The following XXYLT1 variants were observed in gnomAD, a reference collection of about 807,000 sequenced individuals.
The protein encoded by XXYLT1 is xyloside xylosyltransferase 1.
In XXYLT1, 20 loss-of-function variants were observed where a neutral mutation model predicts 28.9. The observed-to-expected ratio is 0.69, with a 90% confidence interval of 0.49 to 1.00. The LOEUF is 1.00. Ranked by LOEUF, XXYLT1 falls within the 50% of genes least tolerant of loss-of-function variation. The pLI, the probability that XXYLT1 is intolerant of heterozygous loss-of-function variation, is 0.00. For missense variants in XXYLT1, 542 were observed against 560.1 expected, an observed-to-expected ratio of 0.97 and a Z score of 0.33; for synonymous variants, 257 against 253.8, an observed-to-expected ratio of 1.01 and a Z score of -0.12.
rs1244875522 is a variant in XXYLT1 at position 195,256,454 on chromosome 3, C to T, written c.504+14101G>A. 1.2e-5 allele frequency: 12 copies of T among 984,694 alleles called. No individual in the cohort carries two copies. Among genetic ancestry groups the T allele is most frequent in the South Asian group, 9.4e-5 (2 of 21,284 alleles). 61.0% of individuals were successfully genotyped at this position (984,694 alleles called of 1,614,324 possible). ...CCTGCACAGGGCAGGGCCCGAGAAA[C>T]GAACCAGTACCTCCCAGAGGACGGA... On this transcript the variant is annotated intron_variant, in intron 1 of 3. Transcript: ENST00000310380. The surrounding 1 kb of genome is among the most constrained non-coding windows in gnomAD (Gnocchi z 4.2).
intron 3 of XXYLT1, among the ~76,000 whole-genome samples, chr3:195,120,742 G>A (rs6767318): frequency 3.1e-4 from 47 of 152,318 alleles, no homozygotes; most frequent in African/African-American, 1.1e-3. Flanking sequence ...CCGTGGCTCC[G>A]TCACTGAGCA....
At chr3:195,132,652 T>C (rs1182762232) in intron 3 of XXYLT1, among the ~76,000 whole-genome samples, 1 of 152,166 alleles carries the variant, frequency 6.6e-6, no homozygotes, top group Non-Finnish European at 1.5e-5. Context: ...CAGCCTTCAC[T>C]GGGGAGATGG....
At chr3:195,130,009 C>T (rs1385465412) in intron 3 of XXYLT1, among the ~76,000 whole-genome samples, 1 of 152,182 alleles carries the variant, frequency 6.6e-6, no homozygotes, top group African/African-American at 2.4e-5. Flanking sequence ...TTATAGCTGA[C>T]CAGTGGATAT....
At chr3:195,143,851 T>TAG (rs1719666903) in intron 3 of XXYLT1, among the ~76,000 whole-genome samples, 1 of 103,074 alleles carries the variant, frequency 9.7e-6, no homozygotes, top group African/African-American at 3.9e-5. Flanking sequence ...TAGATATATA[T>TAG]ATAGATATAT....
At chr3:195,200,640 A>G (rs1455031216) in intron 2 of XXYLT1, among the ~76,000 whole-genome samples, 1 of 152,210 alleles carries the variant, frequency 6.6e-6, no homozygotes, top group Non-Finnish European at 1.5e-5. Flanking sequence ...CAGCCTGTGC[A>G]GGGCAGGAAT....
Position 195,197,070 on chromosome 3 carries a change from T to C in XXYLT1, c.652+29639A>G, listed in dbSNP as rs114235982. On this transcript the variant is annotated intron_variant, in intron 2 of 3. Transcript: ENST00000310380. The stretch of plus-strand genomic sequence containing the variant: ...TCTTGGTACTGAATTGGCAATGAGT[T>C]TTCATGGCTCAATTAGCTTGTAACT... Among the ~76,000 whole-genome samples, 517 of 152,338 alleles carry C rather than the reference T, an allele frequency of 3.4e-3. 5 individuals carry two copies. The highest frequency in any genetic ancestry group is 0.012 in the African/African-American group (502 of 41,574).
At chr3:195,248,999 C>T (rs1158539780) in intron 1 of XXYLT1, among the ~76,000 whole-genome samples, 1 of 152,152 alleles carries the variant, frequency 6.6e-6, no homozygotes, top group African/African-American at 2.4e-5. Context: ...TGGACTAATA[C>T]AGGAGCCAAA....
intron 2 of XXYLT1, among the ~76,000 whole-genome samples, chr3:195,220,836 C>A (rs1274267069): frequency 6.6e-6 from 1 of 152,170 alleles, no homozygotes; most frequent in African/African-American, 2.4e-5. Flanking sequence ...GGACATGTGA[C>A]CTTTGAAAAG....
chr3:195,144,333 T>C (rs1051359715), intron 3 of XXYLT1, among the ~76,000 whole-genome samples: 4 of 152,152 alleles, frequency 2.6e-5, no homozygotes, highest in Middle Eastern at 3.4e-3. Flanking sequence ...GGTTTTTTCA[T>C]CCACAAATCT....
At chr3:195,185,110 G>GAAGGAAGA (rs1722132232) in intron 2 of XXYLT1, among the ~76,000 whole-genome samples, 1 of 123,872 alleles carries the variant, frequency 8.1e-6, no homozygotes, top group African/African-American at 3.8e-5. Flanking sequence ...AGGAAGGAAG[G>GAAGGAAGA]AAGGAAGGAA....
At chr3:195,230,791 T>G (rs1411869948) in intron 1 of XXYLT1, among the ~76,000 whole-genome samples, 1 of 152,238 alleles carries the variant, frequency 6.6e-6, no homozygotes, top group Admixed American at 6.5e-5. Context: ...AACTCTGTAG[T>G]ATAACTTGAA....
rs1715200068 is a variant in XXYLT1 at position 195,077,663 on chromosome 3, G to T, written c.786-7552C>A. Among the ~76,000 whole-genome samples the T allele has an allele frequency of 6.6e-6, 1 of 152,198 alleles. No individual in the cohort carries two copies. The highest frequency in any genetic ancestry group is 1.5e-5 in the Non-Finnish European group (1 of 68,016). Reference sequence around the variant, plus strand: ...CCTGGGGCTGGACGTCGTAGGGGGTGAATGGCCCTGATGGCAAGGCCTCTG... The same window carrying T: ...CCTGGGGCTGGACGTCGTAGGGGGTTAATGGCCCTGATGGCAAGGCCTCTG... On this transcript the variant is annotated intron_variant, in intron 3 of 3. Transcript: ENST00000310380. The surrounding 1 kb of genome is among the most constrained non-coding windows in gnomAD (Gnocchi z 4.8).
chr3:195,252,731 G>C (rs56264507), intron 1 of XXYLT1, among the ~76,000 whole-genome samples: 10,364 of 74,218 alleles, frequency 0.14, 359 homozygotes, highest in Non-Finnish European at 0.2. Context: ...CACACACAGA[G>C]AGAGAGAGAG....
At chr3:195,178,149 T>C (rs1721765377) in intron 2 of XXYLT1, among the ~76,000 whole-genome samples, 1 of 136,816 alleles carries the variant, frequency 7.3e-6, no homozygotes, top group Non-Finnish European at 1.5e-5. Context: ...TGCTGACAGC[T>C]TTTTTTTTTA....
chr3:195,260,353 C>T (rs547831783), intron 1 of XXYLT1, among the ~76,000 whole-genome samples: 3 of 152,236 alleles, frequency 2.0e-5, no homozygotes, highest in African/African-American at 7.2e-5. Context: ...CCCGTGCTGA[C>T]CGCAGCCGCG....
chr3:195,269,874 A>C (rs1332863949), intron 1 of XXYLT1, among the ~76,000 whole-genome samples: 2 of 152,236 alleles, frequency 1.3e-5, no homozygotes, highest in East Asian at 3.8e-4. Flanking sequence ...CAGAGATGGA[A>C]GCTGTCATGG....
chr3:195,104,197 CCGTGTGTGTGTGTGTGTG>C lies in XXYLT1; in HGVS notation c.786-34104_786-34087del, dbSNP rs1716961960. ...GACGGTGATGACGGTGATGAGGGCT[CCGTGTGTGTGTGTGTGTG>C]TGTGTGTGTGTGTGTGTGTGTGTGT... is the stretch of plus-strand genomic sequence containing the variant. On this transcript the variant is annotated intron_variant, in intron 3 of 3. Transcript: ENST00000310380. 2.8e-5 allele frequency among the ~76,000 whole-genome samples: 3 copies of C among 107,792 alleles called. No individual in the cohort carries two copies. The Admixed American group carries it at 3.0e-4, about 11-fold the overall frequency. 70.7% of individuals were successfully genotyped at this position (107,792 alleles called of 152,430 possible). A position where few individuals can be genotyped will look rare whatever the true frequency, so the allele number is the denominator to read the frequency against.
chr3:195,162,840 A>T (rs1044492677), intron 2 of XXYLT1, among the ~76,000 whole-genome samples: 6 of 152,240 alleles, frequency 3.9e-5, no homozygotes, highest in Admixed American at 1.3e-4. Context: ...TGCCAATATG[A>T]AGTGATGGCT....
intron 3 of XXYLT1, among the ~76,000 whole-genome samples, chr3:195,118,590 TG>T (rs546584931): frequency 1.0e-3 from 123 of 118,138 alleles, no homozygotes; most frequent in African/African-American, 2.9e-3. Flanking sequence ...GCAGGGGCAC[TG>T]GGCATTCCAA....
Sources: gnomAD v4.1 joint callset for allele counts (sites outside exome capture counted in the v4.1 genomes callset) on GRCh38, gnomAD v4.1.1 for gene constraint, Gnocchi (gnomAD v3.1) non-coding constraint, MANE v1.5 for transcripts, NCBI Gene and HGNC (gene_info 2026-07-23, HGNC 2026-07-21) for gene names.